LIPA: variants seen among roughly 807,000 people sequenced by gnomAD.
LIPA encodes the protein lysosomal acid lipase/cholesteryl ester hydrolase.
LIPA carries 26 observed loss-of-function variants against 40.6 expected under a neutral mutation model. That is an observed-to-expected ratio of 0.64 (90% CI 0.47 to 0.89). The LOEUF (loss-of-function observed/expected upper bound fraction) is 0.89, where lower values mean the gene tolerates loss of function less well. LIPA is among the 40% of genes least tolerant of loss of function. The probability of loss-of-function intolerance (pLI) is 0.00; values close to 1 mark genes in which losing one functional copy is unlikely to be tolerated. For synonymous variants in LIPA, 188 were observed against 168.4 expected (o/e 1.12, Z -0.90); for missense variants, 455 against 479.6 (o/e 0.95, Z 0.48).
intron 2 of LIPA, 94 bp from the exon 3 acceptor site, chr10:89,245,887 A>C (rs1195751575): frequency 1.3e-6 from 1 of 785,222 alleles, no homozygotes; most frequent in Non-Finnish European, 2.3e-6. Flanking sequence ...TATGTTCTCC[A>C]GGCTTTAAGA....
At chr10:89,261,277 T>C (rs901510037) in intron 1 of LIPA, among the ~76,000 whole-genome samples, 6 of 152,106 alleles carry the variant, frequency 3.9e-5, no homozygotes, top group Admixed American at 3.3e-4. Context: ...GAATTAGTAG[T>C]CAACAGTTAA....
At chr10:89,264,784 C>T (rs1455429895) in intron 1 of LIPA, among the ~76,000 whole-genome samples, 2 of 152,078 alleles carry the variant, frequency 1.3e-5, no homozygotes, top group Non-Finnish European at 2.9e-5. Context: ...CTGTGGACAC[C>T]ACCTGGAACT....
intron 2 of LIPA, among the ~76,000 whole-genome samples, chr10:89,362,042 G>C (rs2133592488): frequency 6.6e-6 from 1 of 151,888 alleles, no homozygotes; most frequent in South Asian, 2.1e-4. Context: ...TGGGACTACA[G>C]GTGTGTGCCA....
At chr10:89,363,978 A>G (rs1170193332) in intron 2 of LIPA, among the ~76,000 whole-genome samples, 2 of 152,186 alleles carry the variant, frequency 1.3e-5, no homozygotes, top group South Asian at 2.1e-4. Flanking sequence ...GTGCTGTCCT[A>G]TGAGACAGCC....
chr10:89,278,431 C>T (rs1199600577), intron 1 of LIPA: 1 of 152,210 alleles, frequency 6.6e-6, no homozygotes, highest in Admixed American at 6.5e-5. Context: ...CATGTATTAA[C>T]AGCGTGCAGT....
At chr10:89,255,840 A>C (rs985873303), upstream of LIPA, among the ~76,000 whole-genome samples, 4 of 152,180 alleles carry the variant, frequency 2.6e-5, no homozygotes, top group African/African-American at 9.7e-5. Flanking sequence ...AATAGAAGCC[A>C]CTCTAGGCAT....
chr10:89,306,915 T>C, intron 1 of LIPA: 1 of 1,614,078 alleles, frequency 6.2e-7, no homozygotes, highest in Non-Finnish European at 8.5e-7. Context: ...GGACACGCTG[T>C]GGCTCATCTG....
chr10:89,337,918 G>GT (rs1017573286), intron 1 of LIPA, among the ~76,000 whole-genome samples: 7 of 152,106 alleles, frequency 4.6e-5, no homozygotes, highest in African/African-American at 1.7e-4. Context: ...TTCCATTCTT[G>GT]TTTTTCACTT....
upstream of LIPA, among the ~76,000 whole-genome samples, chr10:89,345,528 CAAAAAATA>C (rs1843912789): frequency 8.0e-6 from 1 of 125,264 alleles, no homozygotes; most frequent in African/African-American, 3.2e-5. Flanking sequence ...GACTCCATCT[CAAAAAATA>C]AATAAATAAA....
chr10:89,374,815 T>C (rs1844111082), intron 2 of LIPA, among the ~76,000 whole-genome samples: 1 of 152,162 alleles, frequency 6.6e-6, no homozygotes, highest in African/African-American at 2.4e-5. Context: ...AGGTCCATCC[T>C]CACTAGGGAG....
intron 3 of LIPA, 85 bp downstream of exon 3, chr10:89,245,591 A>G (rs1223662409): frequency 1.0e-5 from 8 of 785,704 alleles, no homozygotes; most frequent in Non-Finnish European, 1.9e-5. Flanking sequence ...ATCCCATTTC[A>G]ATGTTTTTAA....
intron 1 of LIPA, among the ~76,000 whole-genome samples, chr10:89,286,118 T>G (rs1028831608): frequency 4.6e-5 from 7 of 152,124 alleles, no homozygotes; most frequent in African/African-American, 1.4e-4. Flanking sequence ...TAGATAATTT[T>G]TGTCGAAAAA....
chr10:89,379,697 G>A (rs777520812), intron 2 of LIPA, among the ~76,000 whole-genome samples: 5 of 152,066 alleles, frequency 3.3e-5, no homozygotes, highest in Admixed American at 1.3e-4. Context: ...CACCACAAGA[G>A]TACCCAAGTC....
chr10:89,273,496 T>C (rs573609800), intron 1 of LIPA, among the ~76,000 whole-genome samples: 2 of 152,294 alleles, frequency 1.3e-5, no homozygotes, highest in African/African-American at 4.8e-5. Flanking sequence ...CCTAGGCTTC[T>C]GTAAAGCATC....
chr10:89,248,225 A>G (rs1463568136), intron 1 of LIPA, among the ~76,000 whole-genome samples: 1 of 149,748 alleles, frequency 6.7e-6, no homozygotes, highest in Non-Finnish European at 1.5e-5. Context: ...GCAGTGGCAC[A>G]ATCTCGGCTC....
chr10:89,238,355 G>C (rs35905319), intron 3 of LIPA, among the ~76,000 whole-genome samples: 1 of 152,158 alleles, frequency 6.6e-6, no homozygotes. Context: ...ACTGATATTA[G>C]ACAATTCAGG....
At chr10:89,257,807 A>G (rs1046730139) in intron 1 of LIPA, among the ~76,000 whole-genome samples, 6 of 152,254 alleles carry the variant, frequency 3.9e-5, no homozygotes, top group Non-Finnish European at 7.3e-5. Flanking sequence ...ATGCTGGAGC[A>G]GAGAGAGCTG....
chr10:89,222,965 C>T (rs142161353), intron 7 of LIPA, among the ~76,000 whole-genome samples: 1 of 152,048 alleles, frequency 6.6e-6, no homozygotes, highest in Non-Finnish European at 1.5e-5. Context: ...GGATTTTAAC[C>T]CTTTTTTTCA....
chr10:89,412,614 G>A lies in LIPA; in HGVS notation c.61+177C>T, dbSNP rs144176626. ...GCTGCTCACTCTTTGGGTCCACACT[G>A]CCTTTATGAGCTGTAACACTCACCA... On this transcript the variant is annotated intron_variant, in intron 2 of 8. Transcript: ENST00000371837. 7.3e-3 allele frequency: 1,505 copies of A among 206,712 alleles called. 21 individuals carry two copies. Among genetic ancestry groups the A allele is most frequent in the African/African-American group, 0.033 (1,382 of 42,108 alleles). 12.8% of individuals were successfully genotyped at this position (206,712 alleles called of 1,614,324 possible).
Sources: gnomAD v4.1 joint callset for allele counts (sites outside exome capture counted in the v4.1 genomes callset) on GRCh38, gnomAD v4.1.1 for gene constraint, MANE v1.5 for transcripts, NCBI Gene and HGNC (gene_info 2026-07-23, HGNC 2026-07-21) for gene names.